CCDC178: variants seen among roughly 807,000 people sequenced by gnomAD.
The protein encoded by CCDC178 is coiled-coil domain-containing protein 178.
Under a neutral mutation model 117.4 loss-of-function variants are expected in CCDC178, and 126 were observed. The ratio of observed to expected loss-of-function variants is 1.07; its 90% CI spans 0.93 to 1.24. The LOEUF (loss-of-function observed/expected upper bound fraction) is 1.24. CCDC178 is among the 50% of genes most tolerant of loss of function. The pLI is 0.00. For synonymous variants in CCDC178, 283 were observed against 313.4 expected, an observed-to-expected ratio of 0.90 and a Z score of 1.02; for missense variants, 1,030 against 986.9, an observed-to-expected ratio of 1.04 and a Z score of -0.59.
At chr18:33,058,516 G>T (rs999191846) in intron 21 of CCDC178, among the ~76,000 whole-genome samples, 1 of 152,118 alleles carries the variant, frequency 6.6e-6, no homozygotes, top group East Asian at 1.9e-4. Context: ...CCTCCTAATT[G>T]ATACATAGCC....
chr18:33,037,297 TTTGA>T (rs1252760915), intron 21 of CCDC178, among the ~76,000 whole-genome samples: 1 of 151,984 alleles, frequency 6.6e-6, no homozygotes, highest in African/African-American at 2.4e-5. Flanking sequence ...TCTATGTTCC[TTTGA>T]TTGAGTCTCT....
intron 22 of CCDC178, among the ~76,000 whole-genome samples, chr18:32,964,928 T>A (rs1194472759): frequency 2.0e-5 from 3 of 151,990 alleles, no homozygotes; most frequent in Non-Finnish European, 4.4e-5. Context: ...ATTTTGTTTT[T>A]CTCATTAGAA....
chr18:32,961,323 C>A (rs2054698898), intron 22 of CCDC178, among the ~76,000 whole-genome samples: 1 of 151,926 alleles, frequency 6.6e-6, no homozygotes, highest in Non-Finnish European at 1.5e-5. Flanking sequence ...TTGATGAATT[C>A]ATTAATTCTT....
Position 33,179,085 on chromosome 18 carries a change from ATATATATATATATATATATATATAAAC to A in CCDC178, c.2238+32784_2238+32810del, listed in dbSNP as rs1395596971. Among the ~76,000 whole-genome samples, 56 of 96,812 alleles carry A rather than the reference ATATATATATATATATATATATATAAAC, an allele frequency of 5.8e-4. 5 individuals are homozygous for A. The highest frequency in any genetic ancestry group is 2.7e-3 in the African/African-American group (51 of 18,942). The allele number at this position is 96,812 out of a possible 152,430, so 63.5% of individuals were successfully genotyped here. A position where few individuals can be genotyped will look rare whatever the true frequency, so the allele number is the denominator to read the frequency against. ...AAAAAAAAAAAAAAAAAAAATATAT[ATATATATATATATATATATATATAAAC>A]TATATATATATATATAAACTATATA... is the stretch of plus-strand genomic sequence containing the variant. On this transcript the variant is annotated intron_variant, in intron 20 of 22. Coordinates refer to ENST00000383096, the MANE Select transcript of CCDC178 (RefSeq NM_001105528.4).
chr18:33,028,330 T>C (rs1170015802), intron 21 of CCDC178, among the ~76,000 whole-genome samples: 4 of 151,740 alleles, frequency 2.6e-5, no homozygotes, highest in African/African-American at 9.7e-5. Flanking sequence ...TTAAAAGTAA[T>C]AGGAATGTTG....
chr18:33,300,681 G>C (rs1477095724), intron 11 of CCDC178, among the ~76,000 whole-genome samples: 1 of 152,174 alleles, frequency 6.6e-6, no homozygotes, highest in Admixed American at 6.5e-5. Flanking sequence ...GGGATCTGTG[G>C]AAGTTTGAAC....
At chr18:33,380,926 C>T (rs577442647) in intron 5 of CCDC178, among the ~76,000 whole-genome samples, 2 of 152,320 alleles carry the variant, frequency 1.3e-5, no homozygotes, top group East Asian at 1.9e-4. Flanking sequence ...ACTTCATTCA[C>T]ACATCGAGGC....
chr18:32,996,289 T>C (rs1287560685), intron 21 of CCDC178, among the ~76,000 whole-genome samples: 1 of 151,944 alleles, frequency 6.6e-6, no homozygotes, highest in Non-Finnish European at 1.5e-5. Context: ...CCCAGTGTAA[T>C]CTTCTCAACA....
chr18:33,044,830 A>G (rs1460385257), intron 21 of CCDC178, among the ~76,000 whole-genome samples: 1 of 152,206 alleles, frequency 6.6e-6, no homozygotes, highest in Non-Finnish European at 1.5e-5. Context: ...CTGATGGACT[A>G]CTACTCAGCC....
At chr18:33,044,194 G>A (rs1422154719) in intron 21 of CCDC178, among the ~76,000 whole-genome samples, 4 of 151,866 alleles carry the variant, frequency 2.6e-5, no homozygotes, top group Non-Finnish European at 4.4e-5. Context: ...TAAGCAAGGA[G>A]ATTAAAAAGC....
At chr18:32,980,545 T>G (rs1470648108) in intron 21 of CCDC178, among the ~76,000 whole-genome samples, 3 of 113,076 alleles carry the variant, frequency 2.7e-5, no homozygotes, top group Admixed American at 1.4e-4. Context: ...CACTCCCGCC[T>G]GGGCGACAGA....
intron 2 of CCDC178, among the ~76,000 whole-genome samples, chr18:33,419,420 A>C (rs2063992696): frequency 6.6e-6 from 1 of 152,218 alleles, no homozygotes; most frequent in African/African-American, 2.4e-5. Flanking sequence ...AATTGCAACA[A>C]AAATTGACAA....
chr18:33,338,799 C>T (rs2062776681), intron 9 of CCDC178, among the ~76,000 whole-genome samples: 1 of 151,964 alleles, frequency 6.6e-6, no homozygotes, highest in African/African-American at 2.4e-5. Flanking sequence ...ACACAATGTA[C>T]AGTGATAAGT....
intron 21 of CCDC178, among the ~76,000 whole-genome samples, chr18:33,000,389 G>C (rs1290851037): frequency 1.3e-5 from 2 of 152,224 alleles, no homozygotes; most frequent in East Asian, 3.9e-4. Flanking sequence ...ATTTAAAGAG[G>C]AGGTAGAGAA....
chr18:32,981,066 T>C (rs1360020032), intron 21 of CCDC178, among the ~76,000 whole-genome samples: 1 of 151,938 alleles, frequency 6.6e-6, no homozygotes, highest in Non-Finnish European at 1.5e-5. Flanking sequence ...ACACTGGCCG[T>C]ATGTGGTGGC....
chr18:33,004,500 AC>A (rs1435877415), intron 21 of CCDC178, among the ~76,000 whole-genome samples: 1 of 152,116 alleles, frequency 6.6e-6, no homozygotes, highest in African/African-American at 2.4e-5. Flanking sequence ...TGGATTAAAG[AC>A]TGAAATCCAT....
chr18:33,061,268 C>T (rs2056915699), intron 21 of CCDC178, among the ~76,000 whole-genome samples: 1 of 151,776 alleles, frequency 6.6e-6, no homozygotes, highest in South Asian at 2.1e-4. Context: ...CATTAATATG[C>T]AAATGTATCA....
At chr18:33,317,214 C>T (rs951108348) in intron 11 of CCDC178, among the ~76,000 whole-genome samples, 3 of 152,078 alleles carry the variant, frequency 2.0e-5, no homozygotes, top group South Asian at 2.1e-4. Context: ...ACACTCCCTG[C>T]GAAGGTCTGC....
At chr18:33,348,424 T>C (rs2062925691) in intron 8 of CCDC178, among the ~76,000 whole-genome samples, 1 of 151,920 alleles carries the variant, frequency 6.6e-6, no homozygotes, top group Non-Finnish European at 1.5e-5. Flanking sequence ...AGAACTGCAA[T>C]TTTCAATATG....
Sources: gnomAD v4.1 joint callset for allele counts (sites outside exome capture counted in the v4.1 genomes callset) on GRCh38, gnomAD v4.1.1 for gene constraint, MANE v1.5 for transcripts, NCBI Gene and HGNC (gene_info 2026-07-23, HGNC 2026-07-21) for gene names.